The following PAM variants were observed in gnomAD, a reference collection of about 807,000 sequenced individuals.
PAM encodes the protein peptidylglycine alpha-amidating monooxygenase, also known as peptidyl-glycine alpha-amidating monooxygenase.
In PAM, 72 loss-of-function variants were observed where a neutral mutation model predicts 122.1. That is an observed-to-expected ratio of 0.59 (90% confidence interval 0.49 to 0.72). The LOEUF is 0.72. Ranked by LOEUF, PAM falls within the 30% of genes least tolerant of loss-of-function variation. The pLI is 0.00. For synonymous variants in PAM, 389 were observed against 404.4 expected (o/e 0.96, Z 0.46); for missense variants, 1,106 against 1,183.7 (o/e 0.93, Z 0.96).
At chr5:102,950,069 C>T in intron 11 of PAM, 91 bp downstream of exon 11, 1 of 725,198 alleles carries the variant, frequency 1.4e-6, no homozygotes, top group African/African-American at 1.8e-5. Context: ...TTGTGAATTT[C>T]TCTAAAAATC....
intron 17 of PAM, 90 bp from the exon 18 acceptor site, chr5:103,005,064 G>T: frequency 5.5e-6 from 4 of 724,480 alleles, no homozygotes; most frequent in Non-Finnish European, 1.0e-5. Context: ...TTATAACTTT[G>T]CATTGTCTTT....
intron 14 of PAM, among the ~76,000 whole-genome samples, chr5:102,965,347 A>G (rs1763772350): frequency 6.6e-6 from 1 of 151,800 alleles, no homozygotes; most frequent in African/African-American, 2.4e-5. Context: ...TAAGCAAAGA[A>G]TATGGGCTTG....
At chr5:102,940,403 G>T (rs78682305) in intron 7 of PAM, among the ~76,000 whole-genome samples, 2,298 of 148,578 alleles carry the variant, frequency 0.015, 43 homozygotes, top group African/African-American at 0.053. Context: ...CAACGCAAAA[G>T]GAAATTCAGA....
chr5:102,844,424 A>G (rs1177067593), intron 1 of PAM, among the ~76,000 whole-genome samples: 3 of 152,120 alleles, frequency 2.0e-5, no homozygotes, highest in Non-Finnish European at 4.4e-5. Context: ...CAGCCATTTG[A>G]GAGGCCGAGG....
In PAM at chr5:102,949,582, A is replaced by G; in HGVS notation, c.689A>G (p.His230Arg). The change falls in exon 10 of 26, where the codon CAT (histidine) becomes CGT (arginine). Residue 230 changes from histidine to arginine, a missense_variant. His to Arg is a conservative substitution (Grantham distance 29). Around this residue, in one of 3 missense-constraint regions of PAM, gnomAD observed 670 missense variants for 690.3 expected, o/e 0.97. Transcript: ENST00000438793. ...ISCHYKNYPM[H>R]VFAYRVHTHH... ...TGCCATTATAAAAATTATCCAATGC[A>G]TGTCTTTGCCTATAGAGTTCACACT... The G allele has an allele frequency of 1.3e-6, 2 of 1,549,680 alleles. No individual in the cohort carries two copies. Among genetic ancestry groups the G allele is most frequent in the South Asian group, 1.1e-5 (1 of 89,758 alleles).
At chr5:102,855,816 GC>G (rs929557748) in intron 1 of PAM, among the ~76,000 whole-genome samples, 2 of 151,960 alleles carry the variant, frequency 1.3e-5, no homozygotes, top group Non-Finnish European at 2.9e-5. Context: ...ATCCACTGAA[GC>G]CCGGTACACT....
At chr5:102,818,216 G>T (rs1471508118) in intron 1 of PAM, among the ~76,000 whole-genome samples, 1 of 151,600 alleles carries the variant, frequency 6.6e-6, no homozygotes, top group African/African-American at 2.4e-5. Context: ...AACATAAGTT[G>T]CAGAAGGGCA....
At chr5:102,909,626 A>T (rs1319494241) in intron 4 of PAM, among the ~76,000 whole-genome samples, 1 of 151,792 alleles carries the variant, frequency 6.6e-6, no homozygotes, top group Non-Finnish European at 1.5e-5. Context: ...TTGATGGGGG[A>T]GGCGAGAAGG....
At chr5:102,812,006 C>T (rs1768072155) in intron 1 of PAM, among the ~76,000 whole-genome samples, 1 of 152,166 alleles carries the variant, frequency 6.6e-6, no homozygotes, top group African/African-American at 2.4e-5. Context: ...CATTAGTTAA[C>T]TCCTATGTGA....
At chr5:102,868,396 T>G (rs1030591838) in intron 3 of PAM, among the ~76,000 whole-genome samples, 2 of 152,226 alleles carry the variant, frequency 1.3e-5, no homozygotes, top group Non-Finnish European at 2.9e-5. Context: ...TTGGCATTCA[T>G]TTATTTGAAG....
At chr5:102,993,199 A>G (rs538112373) in intron 16 of PAM, among the ~76,000 whole-genome samples, 18 of 152,208 alleles carry the variant, frequency 1.2e-4, no homozygotes, top group African/African-American at 4.3e-4. Flanking sequence ...GAAATAAGAA[A>G]TGCCTATTGC....
rs1247812197 is a variant in PAM at position 102,770,000 on chromosome 5, C to T, written c.-374+14652C>T. 6.6e-5 allele frequency among the ~76,000 whole-genome samples: 10 copies of T among 151,880 alleles called. No individual in the cohort carries two copies. In the South Asian group the frequency reaches 8.3e-4, roughly 13 times the overall value. ...AATCCATGATCATAGGATATCTTTC[C>T]GTTTTGTGTATGTGTCTGTCCTCTT... On this transcript the variant is annotated intron_variant, in intron 1 of 25. Coordinates refer to ENST00000438793, the MANE Select transcript of PAM (RefSeq NM_001177306.2).
chr5:102,993,371 C>A (rs145996303), intron 16 of PAM, among the ~76,000 whole-genome samples: 1 of 152,186 alleles, frequency 6.6e-6, no homozygotes, highest in Non-Finnish European at 1.5e-5. Context: ...AATCGCCACC[C>A]CACTCAAAGT....
intron 15 of PAM, among the ~76,000 whole-genome samples, chr5:102,977,807 T>C (rs1034378582): frequency 2.6e-5 from 4 of 152,152 alleles, no homozygotes; most frequent in Non-Finnish European, 4.4e-5. Context: ...GGTACCCGAC[T>C]GCCTGGTGGC....
At chr5:103,026,231 C>T (rs1462867164) in intron 24 of PAM, among the ~76,000 whole-genome samples, 1 of 152,126 alleles carries the variant, frequency 6.6e-6, no homozygotes, top group East Asian at 1.9e-4. Context: ...GCTGGGTCCC[C>T]AGGTCCTAGA....
intron 4 of PAM, among the ~76,000 whole-genome samples, chr5:102,909,077 G>C (rs1800583107): frequency 1.3e-5 from 2 of 151,482 alleles, no homozygotes; most frequent in Admixed American, 6.6e-5. Flanking sequence ...TAAGATTTTA[G>C]GGTTTGTAAT....
chr5:102,928,440 T>C (rs561008766), intron 7 of PAM, among the ~76,000 whole-genome samples: 1 of 152,308 alleles, frequency 6.6e-6, no homozygotes, highest in South Asian at 2.1e-4. Flanking sequence ...TTTTAACTTT[T>C]CAATAGTAGT....
intron 14 of PAM, among the ~76,000 whole-genome samples, chr5:102,965,498 T>C (rs1763824969): frequency 6.6e-6 from 1 of 151,956 alleles, no homozygotes; most frequent in South Asian, 2.1e-4. Flanking sequence ...GAAGATTCAG[T>C]GTCTTAAATT....
intron 1 of PAM, chr5:102,808,031 A>G (rs1440033261): frequency 6.6e-6 from 1 of 152,196 alleles, no homozygotes; most frequent in East Asian, 1.9e-4. Flanking sequence ...GGAAGTTGTT[A>G]AAGCAATTAA....
Sources: allele counts gnomAD v4.1 joint callset (sites outside exome capture counted in the v4.1 genomes callset), GRCh38; gene constraint gnomAD v4.1.1; regional missense constraint gnomAD v4.1.1; transcripts MANE v1.5; gene names NCBI Gene and HGNC (gene_info 2026-07-23, HGNC 2026-07-21).